MOK: variants seen among roughly 807,000 people sequenced by gnomAD.
MOK encodes the protein MOK protein kinase, also known as MAPK/MAK/MRK overlapping kinase.
Under a neutral mutation model 54.2 loss-of-function variants are expected in MOK, and 59 were observed. That is an observed-to-expected ratio of 1.09 (90% CI 0.88 to 1.35). MOK has a LOEUF of 1.35. Ranked by LOEUF, MOK falls within the 40% of genes most tolerant of loss-of-function variation. MOK has a pLI of 0.00. For synonymous variants in MOK, 210 were observed against 202.7 expected, an observed-to-expected ratio of 1.04 and a Z score of -0.31; for missense variants, 517 against 526.2, an observed-to-expected ratio of 0.98 and a Z score of 0.17.
chr14:102,239,021 A>G (rs1049015657), intron 7 of MOK, among the ~76,000 whole-genome samples: 1 of 152,016 alleles, frequency 6.6e-6, no homozygotes, highest in Admixed American at 6.5e-5. Flanking sequence ...GGCATTTCCT[A>G]CCTCTTCAGA....
chr14:102,231,755 C>T lies in MOK; in HGVS notation c.933G>A (p.Pro311=), dbSNP rs1197753269. 6.8e-6 allele frequency: 11 copies of T among 1,612,466 alleles called. No homozygotes were observed. The highest frequency in any genetic ancestry group is 1.7e-5 in the Admixed American group (1 of 59,992). Residue 311 remains proline (P), a synonymous_variant, in exon 10 of 12, where the codon CCG becomes CCA. Coordinates refer to ENST00000361847, the MANE Select transcript of MOK (RefSeq NM_014226.3). This position sits in a 1 kb window ranked among gnomAD's most constrained non-coding sequence, Gnocchi z 4.4. ...TCTGGCAGCTGTTACTGAGTGGTTC[C>T]GGTGCCACAGGGTGCTCCGGAAAGC... ...KAGFPEHPVA[P]EPLSNSCQIS...
intron 2 of MOK, chr14:102,278,627 C>G: frequency 2.2e-6 from 1 of 454,096 alleles, no homozygotes; most frequent in East Asian, 6.9e-5. Flanking sequence ...GTCAGCTCCA[C>G]GACGTGTAGG....
intron 2 of MOK, chr14:102,283,031 G>C (rs2403037): frequency 2.4e-5 from 3 of 125,994 alleles, no homozygotes; most frequent in African/African-American, 9.7e-5. Context: ...TCCAGCCTGG[G>C]AGACAGAGTG....
the MOK span, among the ~76,000 whole-genome samples, chr14:102,216,187 T>C: frequency 1.3e-5 from 2 of 152,348 alleles, no homozygotes; most frequent in South Asian, 2.1e-4. Flanking sequence ...TCTGCACTTT[T>C]TGTCTTGAGT....
downstream of MOK, chr14:102,224,987 AG>A: frequency 2.8e-6 from 1 of 353,570 alleles, no homozygotes; most frequent in Non-Finnish European, 5.5e-6. Context: ...AGCCAAACCC[AG>A]GAGGGCCCAA....
intron 7 of MOK, among the ~76,000 whole-genome samples, chr14:102,246,930 C>G (rs879424370): frequency 6.6e-5 from 10 of 152,166 alleles, no homozygotes; most frequent in African/African-American, 9.7e-5. Flanking sequence ...AGACTACTCT[C>G]AAAGCCACCA....
At chr14:102,289,268 T>C (rs1269176128) in intron 1 of MOK, among the ~76,000 whole-genome samples, 1 of 150,898 alleles carries the variant, frequency 6.6e-6, no homozygotes. Flanking sequence ...AAAACAGAGT[T>C]AGGAATAAGC....
At chr14:102,299,732 T>A (rs561814158) in intron 1 of MOK, among the ~76,000 whole-genome samples, 1 of 152,152 alleles carries the variant, frequency 6.6e-6, no homozygotes, top group East Asian at 2.0e-4. Context: ...ACCACAGGCA[T>A]GCACTGCCAT....
chr14:102,289,949 T>C (rs940528420), intron 1 of MOK, among the ~76,000 whole-genome samples: 4 of 152,178 alleles, frequency 2.6e-5, no homozygotes, highest in Non-Finnish European at 4.4e-5. Context: ...TCAACAGTCT[T>C]CCTAACAAGG....
chr14:102,273,974 T>C (rs2068614467), intron 2 of MOK, among the ~76,000 whole-genome samples: 1 of 151,856 alleles, frequency 6.6e-6, no homozygotes, highest in African/African-American at 2.4e-5. Flanking sequence ...TTTTTCTTTT[T>C]TGAGACAGAG....
At chr14:102,222,704 T>C, downstream of MOK, 1 of 931,542 alleles carries the variant, frequency 1.1e-6, no homozygotes, top group Non-Finnish European at 1.7e-6. The surrounding 1 kb of genome is among the most constrained non-coding windows in gnomAD (Gnocchi z 4.4). Flanking sequence ...GAGGGTTTGC[T>C]CCCACACTGG....
At chr14:102,278,082 A>G (rs1366457510) in intron 2 of MOK, among the ~76,000 whole-genome samples, 1 of 152,122 alleles carries the variant, frequency 6.6e-6, no homozygotes, top group Non-Finnish European at 1.5e-5. Flanking sequence ...TCATTTGAGG[A>G]CAAAGCAAGA....
At chr14:102,216,451 T>C in the MOK span, among the ~76,000 whole-genome samples, 79 of 152,262 alleles carry the variant, frequency 5.2e-4, no homozygotes, top group Non-Finnish European at 1.1e-3. Context: ...ACCACCAAAC[T>C]CAGCTAATTT....
rs1266003584 is a variant in MOK, at chr14:102,235,364, C to T, written c.591-1575G>A. 2.6e-5 allele frequency: 4 copies of T among 152,276 alleles called. No homozygotes were observed. Among genetic ancestry groups the T allele is most frequent in the Admixed American group, 2.6e-4 (4 of 15,292 alleles). 9.4% of individuals were successfully genotyped at this position (152,276 alleles called of 1,614,324 possible). A position where few individuals can be genotyped will look rare whatever the true frequency, so the allele number is the denominator to read the frequency against. ...TATCTCACCCAGTCTTATGAACTTA[C>T]TTGGCATGATCTCTATATTATTTTG... On this transcript the variant is annotated intron_variant, in intron 7 of 11. Coordinates refer to ENST00000361847, the MANE Select transcript of MOK (RefSeq NM_014226.3). This position sits in a 1 kb window ranked among gnomAD's most constrained non-coding sequence, Gnocchi z 4.4.
downstream of MOK, chr14:102,225,221 T>G (rs2064196503): frequency 5.5e-6 from 1 of 181,806 alleles, no homozygotes; most frequent in Admixed American, 5.7e-5. Flanking sequence ...CCACCATACC[T>G]GGGTAATTTT....
rs142115705 is a variant in MOK at position 102,240,313 on chromosome 14, C to T, written c.591-6524G>A. 1,032 of 152,648 alleles carry T rather than the reference C, an allele frequency of 6.8e-3. 12 individuals carry two copies. Among genetic ancestry groups the T allele is most frequent in the African/African-American group, 9.4e-3 (389 of 41,564 alleles). 9.5% of individuals were successfully genotyped at this position (152,648 alleles called of 1,614,324 possible). A position where few individuals can be genotyped will look rare whatever the true frequency, so the allele number is the denominator to read the frequency against. ...CCGTTTGGTGGTCTCTTCACAGGGACGCGCGTGACATTTGGTGCCGAAACC... is the reference window on the plus strand; with the variant it reads ...CCGTTTGGTGGTCTCTTCACAGGGATGCGCGTGACATTTGGTGCCGAAACC... On this transcript the variant is annotated intron_variant, in intron 7 of 11. Coordinates refer to ENST00000361847, the MANE Select transcript of MOK (RefSeq NM_014226.3). The surrounding 1 kb of genome is among the most constrained non-coding windows in gnomAD (Gnocchi z 5.4).
chr14:102,234,693 G>T lies in MOK; in HGVS notation c.591-904C>A, dbSNP rs568322265. ...CACAATCTGTATACTCTTGGCCTCC[G>T]TTCAGAAATCTGCCCTAAAAGGCTT... On this transcript the variant is annotated intron_variant, in intron 7 of 11. Transcript: ENST00000361847. Among the ~76,000 whole-genome samples the T allele has an allele frequency of 2.0e-5, 3 of 152,050 alleles. No individual in the cohort carries two copies. The South Asian group carries it at 6.2e-4, about 32-fold the overall frequency.
chr14:102,230,278 C>T lies in MOK; in HGVS notation c.982-621G>A, dbSNP rs1029839073. ...GCCCAGGCTGGTCTCAAACTCCTGG[C>T]CTCAAGTGATCCTACCCTGGCCTCC... On this transcript the variant is annotated intron_variant, in intron 10 of 11. Transcript: ENST00000361847. The surrounding 1 kb of genome is among the most constrained non-coding windows in gnomAD (Gnocchi z 4.1). 1 of 153,006 alleles carries T rather than the reference C, an allele frequency of 6.5e-6. No individual in the cohort carries two copies. Among genetic ancestry groups the T allele is most frequent in the African/African-American group, 2.4e-5 (1 of 41,426 alleles). The allele number at this position is 153,006 out of a possible 1,614,324, so 9.5% of individuals were successfully genotyped here. A position where few individuals can be genotyped will look rare whatever the true frequency, so the allele number is the denominator to read the frequency against.
At chr14:102,242,960 G>T (rs988662710) in intron 7 of MOK, among the ~76,000 whole-genome samples, 2 of 152,120 alleles carry the variant, frequency 1.3e-5, no homozygotes, top group African/African-American at 4.8e-5. Context: ...ATCAGGCTCA[G>T]CAAATTACCT....
Sources: allele counts gnomAD v4.1 joint callset (sites outside exome capture counted in the v4.1 genomes callset), GRCh38; gene constraint gnomAD v4.1.1; non-coding constraint Gnocchi (gnomAD v3.1); transcripts MANE v1.5; gene names NCBI Gene and HGNC (gene_info 2026-07-23, HGNC 2026-07-21).